Variants in BICD2 observed in about 807,000 individuals in gnomAD.
BICD2 encodes the protein BICD cargo adaptor 2.
BICD2 carries 25 observed loss-of-function variants against 72.9 expected under a neutral mutation model. The observed-to-expected ratio is 0.34, with a 90% CI of 0.25 to 0.48. The LOEUF (loss-of-function observed/expected upper bound fraction) is 0.48, where lower values mean the gene tolerates loss of function less well. BICD2 is among the 20% of genes least tolerant of loss of function. The pLI, the probability that BICD2 is intolerant of heterozygous loss-of-function variation, is 0.99. For missense variants in BICD2, 894 were observed against 1,175.2 expected (o/e 0.76, Z 3.50); for synonymous variants, 501 against 516.1 (o/e 0.97, Z 0.40).
In BICD2 at chr9:92,713,608, T is replaced by A. The variant is rs1853237697; in HGVS notation, c.*1546A>T. ...CTGCATGTGTTAGCAGGGGTCCCAG[T>A]GGCTTGGGTGTCTGCAAAGTCCCTT... On this transcript the variant is annotated 3_prime_UTR_variant, in exon 7 of 7. Transcript: ENST00000356884. 3.3e-6 allele frequency: 5 copies of A among 1,521,430 alleles called. No homozygotes were observed. The highest frequency in any genetic ancestry group is 4.4e-6 in the Non-Finnish European group (5 of 1,128,924). 94.2% of individuals were successfully genotyped at this position (1,521,430 alleles called of 1,614,324 possible).
intron 2 of BICD2, among the ~76,000 whole-genome samples, chr9:92,728,671 A>G (rs1853616397): frequency 6.6e-6 from 1 of 152,228 alleles, no homozygotes; most frequent in African/African-American, 2.4e-5. Flanking sequence ...GGGGAGTCCA[A>G]TGACGAGGAG....
intron 2 of BICD2, among the ~76,000 whole-genome samples, chr9:92,724,821 G>A (rs916520057): frequency 6.6e-6 from 1 of 152,224 alleles, no homozygotes; most frequent in Admixed American, 6.5e-5. Flanking sequence ...CCCAGCTGGA[G>A]ACTTGGGTAC....
intron 2 of BICD2, among the ~76,000 whole-genome samples, chr9:92,725,754 C>G (rs772100129): frequency 6.6e-6 from 1 of 152,240 alleles, no homozygotes. Flanking sequence ...TGCAGGGGGT[C>G]GGCTGCCCTC....
rs1040293574 is a variant in BICD2, at chr9:92,764,029, G to C, written c.240+476C>G. On this transcript the variant is annotated intron_variant, in intron 1 of 6. Coordinates refer to ENST00000356884, the MANE Select transcript of BICD2 (RefSeq NM_001003800.2). This position sits in a 1 kb window ranked among gnomAD's most constrained non-coding sequence, Gnocchi z 5.5. The stretch of plus-strand genomic sequence containing the variant: ...CTCCGAAAGTAGCTGCGCCCAGAGA[G>C]GGGAAGTGCTTTCTCTGAAGGTGAC... Among the ~76,000 whole-genome samples the C allele has an allele frequency of 6.6e-6, 1 of 152,194 alleles. No homozygotes were observed. Among genetic ancestry groups the C allele is most frequent in the Non-Finnish European group, 1.5e-5 (1 of 68,034 alleles).
chr9:92,736,889 C>T (rs72758513), intron 1 of BICD2, among the ~76,000 whole-genome samples: 38 of 152,254 alleles, frequency 2.5e-4, no homozygotes, highest in Non-Finnish European at 4.7e-4. Context: ...CTGGCTGTAG[C>T]GTGGGATGGT....
intron 1 of BICD2, among the ~76,000 whole-genome samples, chr9:92,739,323 T>G (rs1853851896): frequency 6.6e-6 from 1 of 152,328 alleles, no homozygotes; most frequent in South Asian, 2.1e-4. Flanking sequence ...GACAACAGAC[T>G]ATCAGGCCTC....
At chr9:92,728,882 T>G in intron 2 of BICD2, 142 bp downstream of exon 2, 5 of 857,924 alleles carry the variant, frequency 5.8e-6, no homozygotes, top group South Asian at 1.7e-5. Flanking sequence ...CAGTGGAGGA[T>G]GAGACCAGGA....
At position 92,764,709 on chromosome 9, in the gene BICD2, C is replaced by G; in HGVS notation, c.36G>C (p.Arg12=). ...SAPSEEEEYA[R]LVMEAQPEWL... is the part of the protein sequence containing the mutation. ...ACTCCGGCTGCGCCTCCATCACCAG[C>G]CGCGCGTACTCCTCCTCCTCCGACG... Residue 12 remains arginine (R), a synonymous_variant, in exon 1 of 7, where the codon CGG becomes CGC. Transcript: ENST00000356884. This position sits in a 1 kb window ranked among gnomAD's most constrained non-coding sequence, Gnocchi z 5.5. 4 of 1,587,050 alleles carry G rather than the reference C, an allele frequency of 2.5e-6. No individual in the cohort carries two copies. The highest frequency in any genetic ancestry group is 3.4e-6 in the Non-Finnish European group (4 of 1,173,216).
At chr9:92,748,410 C>G (rs1400049506) in intron 1 of BICD2, among the ~76,000 whole-genome samples, 1 of 152,166 alleles carries the variant, frequency 6.6e-6, no homozygotes, top group Non-Finnish European at 1.5e-5. Flanking sequence ...TGTAAACACT[C>G]CTGAGACTGA....
intron 1 of BICD2, among the ~76,000 whole-genome samples, chr9:92,761,816 C>A (rs988502932): frequency 6.6e-6 from 1 of 152,222 alleles, no homozygotes; most frequent in Non-Finnish European, 1.5e-5. Context: ...ATGGTCTTAA[C>A]TGAGTCAGGC....
At chr9:92,755,632 G>A (rs1283612885) in intron 1 of BICD2, among the ~76,000 whole-genome samples, 2 of 152,176 alleles carry the variant, frequency 1.3e-5, no homozygotes, top group African/African-American at 2.4e-5. Context: ...CGTGAATATC[G>A]GGGCATGTTC....
intron 1 of BICD2, among the ~76,000 whole-genome samples, chr9:92,738,591 C>T (rs1261880906): frequency 6.6e-6 from 1 of 152,220 alleles, no homozygotes; most frequent in African/African-American, 2.4e-5. Context: ...GTAGAGGTTG[C>T]CCCTTCAGTC....
Position 92,714,323 on chromosome 9 carries a change from C to A in BICD2, c.*831G>T, listed in dbSNP as rs1279560093. On this transcript the variant is annotated 3_prime_UTR_variant, in exon 7 of 7. Coordinates refer to ENST00000356884, the MANE Select transcript of BICD2 (RefSeq NM_001003800.2). ...GCCGGATAATTGGCTGCTGGGGTCA[C>A]CCCAAGTACAAAAGGACGGGCTCTG... The A allele has an allele frequency of 2.0e-6, 2 of 985,362 alleles. No homozygotes were observed. Among genetic ancestry groups the A allele is most frequent in the Non-Finnish European group, 2.4e-6 (2 of 829,962 alleles). 61.0% of individuals were successfully genotyped at this position (985,362 alleles called of 1,614,324 possible).
chr9:92,720,682 T>C lies in BICD2; in HGVS notation c.680A>G (p.Glu227Gly). 6.2e-7 allele frequency: 1 copy of C among 1,614,150 alleles called. No individual in the cohort carries two copies. The highest frequency in any genetic ancestry group is 1.7e-5 in the Admixed American group (1 of 60,000). The change falls in exon 4 of 7, where the codon GAG becomes GGG. Residue 227 changes from glutamate to glycine, a missense_variant. Physicochemically the swap from Glu to Gly is moderately conservative, Grantham distance 98 (BLOSUM62 -2). Around this residue, in one of 5 missense-constraint regions of BICD2, gnomAD observed 371 missense variants for 439.1 expected, o/e 0.84. Coordinates refer to ENST00000356884, the MANE Select transcript of BICD2 (RefSeq NM_001003800.2). This position sits in a 1 kb window ranked among gnomAD's most constrained non-coding sequence, Gnocchi z 5.4. ...GATCTCCTTGAGGCGGATGGCATCC[T>C]CCAGCTGGCTGTTGAGGTACTCGGT... ...EETEYLNSQL[E>G]DAIRLKEISE... is the part of the protein sequence containing the mutation.
At chr9:92,718,134 C>A (rs1853361549) in intron 5 of BICD2, among the ~76,000 whole-genome samples, 186 bp from the exon 6 acceptor site, 2 of 152,188 alleles carry the variant, frequency 1.3e-5, no homozygotes, top group African/African-American at 4.8e-5. Flanking sequence ...GGGAGTCCCA[C>A]CTGCTGATTC....
At chr9:92,744,192 C>G (rs962097725) in intron 1 of BICD2, among the ~76,000 whole-genome samples, 1 of 152,184 alleles carries the variant, frequency 6.6e-6, no homozygotes, top group Non-Finnish European at 1.5e-5. Flanking sequence ...TATATCCACA[C>G]AAATGAATCC....
At position 92,713,393 on chromosome 9, in the gene BICD2, G is replaced by C; in HGVS notation, c.*1761C>G. 1.3e-6 allele frequency: 2 copies of C among 1,537,598 alleles called. No individual in the cohort carries two copies. The highest frequency in any genetic ancestry group is 2.4e-5 in the South Asian group (2 of 84,898). On this transcript the variant is annotated 3_prime_UTR_variant, in exon 7 of 7. Coordinates refer to ENST00000356884, the MANE Select transcript of BICD2 (RefSeq NM_001003800.2). ...CTTCCTTCCTCCTTGTGGGCCACGA[G>C]AGGGAAGGGGAAGGGGCTGCAGTGT...
chr9:92,741,991 A>T (rs1273844530), intron 1 of BICD2, among the ~76,000 whole-genome samples: 3 of 152,236 alleles, frequency 2.0e-5, no homozygotes, highest in African/African-American at 4.8e-5. Context: ...ATTAACCCCC[A>T]GATATTAACT....
In BICD2 at chr9:92,714,760, G is replaced by C; in HGVS notation, c.*394C>G. On this transcript the variant is annotated 3_prime_UTR_variant, in exon 7 of 7. Transcript: ENST00000356884. ...AGTGCTGACATTAGACACATGCGAGGAACATGCAAGTCTCAACTCAGGTTC... is the reference window on the plus strand; with the variant it reads ...AGTGCTGACATTAGACACATGCGAGCAACATGCAAGTCTCAACTCAGGTTC... 9.8e-7 allele frequency: 1 copy of C among 1,018,346 alleles called. No homozygotes were observed. Among genetic ancestry groups the C allele is most frequent in the Non-Finnish European group, 1.2e-6 (1 of 852,176 alleles). The allele number at this position is 1,018,346 out of a possible 1,614,324, so 63.1% of individuals were successfully genotyped here. A position where few individuals can be genotyped will look rare whatever the true frequency, so the allele number is the denominator to read the frequency against.
Sources: gnomAD v4.1 joint callset for allele counts (sites outside exome capture counted in the v4.1 genomes callset) on GRCh38, gnomAD v4.1.1 for gene constraint, gnomAD v4.1.1 regional missense constraint, Gnocchi (gnomAD v3.1) non-coding constraint, MANE v1.5 for transcripts, NCBI Gene and HGNC (gene_info 2026-07-23, HGNC 2026-07-21) for gene names.